SAMD4A: variants seen among roughly 807,000 people sequenced by gnomAD.
The protein encoded by SAMD4A is sterile alpha motif domain containing 4A, also known as protein Smaug homolog 1.
SAMD4A carries 33 observed loss-of-function variants against 81.3 expected under a neutral mutation model. The ratio of observed to expected loss-of-function variants is 0.41; its 90% CI spans 0.31 to 0.54. The LOEUF is 0.54. SAMD4A is among the 20% of genes least tolerant of loss of function. SAMD4A has a pLI of 0.37. For missense variants in SAMD4A, 854 were observed against 951.1 expected, an observed-to-expected ratio of 0.90 and a Z score of 1.34; for synonymous variants, 389 against 382.1, an observed-to-expected ratio of 1.02 and a Z score of -0.21.
intron 2 of SAMD4A, among the ~76,000 whole-genome samples, chr14:54,666,841 G>A (rs2035769062): frequency 6.6e-6 from 1 of 152,112 alleles, no homozygotes; most frequent in African/African-American, 2.4e-5. Context: ...AATGGCACAA[G>A]CTAGCAAACC....
Position 54,760,363 on chromosome 14 carries a change from C to A in SAMD4A, c.1379C>A (p.Thr460Lys), listed in dbSNP as rs375889236. ...GATGGGGCCGCAGCCACTGGCGCCA[C>A]GGCCACCCCCTCGGCCGGGGCCAGC... Reference protein sequence around the residue: ...CKDGAAATGATATPSAGASGG... With the variant: ...CKDGAAATGAKATPSAGASGG... The change falls in exon 7 of 13, where the codon ACG (threonine) becomes AAG (lysine). Residue 460 changes from threonine (T) to lysine (K), a missense_variant. Thr to Lys is a moderately conservative substitution (Grantham distance 78). Around this residue, in one of 3 missense-constraint regions of SAMD4A, gnomAD observed 428 missense variants for 471.2 expected, o/e 0.91. Transcript: ENST00000554335. 2 of 1,573,388 alleles carry A rather than the reference C, an allele frequency of 1.3e-6. No homozygotes were observed. The highest frequency in any genetic ancestry group is 2.8e-5 in the African/African-American group (2 of 72,212).
chr14:54,764,886 T>G (rs1238321093), intron 8 of SAMD4A, among the ~76,000 whole-genome samples: 2 of 152,200 alleles, frequency 1.3e-5, no homozygotes, highest in Non-Finnish European at 2.9e-5. Flanking sequence ...TTAAAAATCT[T>G]GTGTTGAACT....
intron 6 of SAMD4A, among the ~76,000 whole-genome samples, chr14:54,754,476 C>T (rs1313135415): frequency 6.6e-6 from 1 of 152,156 alleles, no homozygotes; most frequent in Non-Finnish European, 1.5e-5. Flanking sequence ...ATTGTCCCTG[C>T]GTGAGCTGAT....
chr14:54,572,477 A>G (rs1174123037), intron 2 of SAMD4A, among the ~76,000 whole-genome samples: 3 of 152,226 alleles, frequency 2.0e-5, no homozygotes. Flanking sequence ...TGAGTGGAAG[A>G]GCCAGTTTAG....
At chr14:54,648,981 C>T (rs141952088) in intron 2 of SAMD4A, among the ~76,000 whole-genome samples, 6 of 152,112 alleles carry the variant, frequency 3.9e-5, no homozygotes, top group Admixed American at 6.5e-5. Context: ...AAGGCAGAGT[C>T]GCCTGGATTT....
At chr14:54,685,587 A>AT (rs1329265613) in intron 2 of SAMD4A, 5 of 425,938 alleles carry the variant, frequency 1.2e-5, no homozygotes, top group Middle Eastern at 5.9e-4. Flanking sequence ...TTGTTCGTAG[A>AT]TTTTTTTTCT....
chr14:54,642,800 A>G (rs2035203215), intron 2 of SAMD4A, among the ~76,000 whole-genome samples: 1 of 152,160 alleles, frequency 6.6e-6, no homozygotes, highest in South Asian at 2.1e-4. Flanking sequence ...CTGTAACCCA[A>G]CCTGCAGACC....
chr14:54,728,307 T>C (rs1311186392), intron 3 of SAMD4A, among the ~76,000 whole-genome samples: 1 of 152,176 alleles, frequency 6.6e-6, no homozygotes, highest in East Asian at 1.9e-4. Flanking sequence ...ACAGTACCAA[T>C]CTCACCATGT....
intron 2 of SAMD4A, among the ~76,000 whole-genome samples, chr14:54,659,183 C>T (rs2035586178): frequency 6.6e-6 from 1 of 152,156 alleles, no homozygotes; most frequent in African/African-American, 2.4e-5. Flanking sequence ...TTTTTTTATG[C>T]CCAGACACAG....
At chr14:54,702,933 A>G (rs1368727881) in intron 3 of SAMD4A, 1 of 239,414 alleles carries the variant, frequency 4.2e-6, no homozygotes, top group Non-Finnish European at 8.2e-6. Context: ...ACACTGAGTT[A>G]CTGTGTGATT....
chr14:54,773,619 G>T (rs558945332), intron 9 of SAMD4A, among the ~76,000 whole-genome samples: 1 of 152,352 alleles, frequency 6.6e-6, no homozygotes, highest in Non-Finnish European at 1.5e-5. Context: ...TAAGGGCTCT[G>T]GCAGCCTCCC....
chr14:54,758,325 A>G (rs535936400), intron 6 of SAMD4A, among the ~76,000 whole-genome samples: 5 of 152,270 alleles, frequency 3.3e-5, no homozygotes, highest in South Asian at 2.1e-4. Context: ...CGCTGCCCAC[A>G]GTTGAAACAG....
chr14:54,760,519 T>C (rs1445683631), intron 7 of SAMD4A, 25 bp downstream of exon 7: 1 of 1,381,428 alleles, frequency 7.2e-7, no homozygotes, highest in South Asian at 1.7e-5. Context: ...GCCCATTTCT[T>C]TTTTCTTCTG....
chr14:54,655,124 C>T (rs779986419), intron 2 of SAMD4A, among the ~76,000 whole-genome samples: 28 of 152,174 alleles, frequency 1.8e-4, no homozygotes, highest in Non-Finnish European at 3.4e-4. Flanking sequence ...AATACTTACA[C>T]GTCCAAGCTC....
chr14:54,631,420 T>A (rs1373286380), intron 2 of SAMD4A, among the ~76,000 whole-genome samples: 2 of 152,234 alleles, frequency 1.3e-5, no homozygotes, highest in Non-Finnish European at 2.9e-5. Context: ...CCTCTGCCTC[T>A]GCTAATTAGT....
chr14:54,578,188 G>T (rs2033360727), intron 2 of SAMD4A, among the ~76,000 whole-genome samples: 2 of 152,148 alleles, frequency 1.3e-5, no homozygotes, highest in Admixed American at 6.5e-5. Context: ...TCTGGCTTCG[G>T]AACCACCCCA....
intron 2 of SAMD4A, among the ~76,000 whole-genome samples, chr14:54,574,183 C>T (rs2033216980): frequency 1.3e-5 from 2 of 152,198 alleles, no homozygotes; most frequent in Admixed American, 1.3e-4. Flanking sequence ...TCTCAAGTAG[C>T]TTACACTCGA....
chr14:54,570,215 T>C (rs923546104), intron 2 of SAMD4A, among the ~76,000 whole-genome samples: 2 of 152,208 alleles, frequency 1.3e-5, no homozygotes, highest in African/African-American at 2.4e-5. Context: ...TAGGAGGTCA[T>C]GTGATGATTT....
chr14:54,623,482 G>GAAAAA (rs1566552666), intron 2 of SAMD4A, among the ~76,000 whole-genome samples: 1 of 4,094 alleles, frequency 2.4e-4, no homozygotes, highest in Non-Finnish European at 5.0e-4. Flanking sequence ...TTGGACATCA[G>GAAAAA]CAAAAAAAAA....
Sources: gnomAD v4.1 joint callset for allele counts (sites outside exome capture counted in the v4.1 genomes callset) on GRCh38, gnomAD v4.1.1 for gene constraint, gnomAD v4.1.1 regional missense constraint, MANE v1.5 for transcripts, NCBI Gene and HGNC (gene_info 2026-07-23, HGNC 2026-07-21) for gene names.